Variants in CELF2 observed in about 807,000 individuals in gnomAD.
CELF2 encodes the protein CUG triplet repeat RNA-binding protein 2.
Under a neutral mutation model 62.6 loss-of-function variants are expected in CELF2, and 8 were observed. That is an observed-to-expected ratio of 0.13 (90% CI 0.07 to 0.23). The LOEUF is 0.23. CELF2 is among the 10% of genes least tolerant of loss of function. CELF2 has a pLI of 1.00. For missense variants in CELF2, 333 were observed against 671.0 expected (o/e 0.50, Z 5.56); for synonymous variants, 258 against 250.0 (o/e 1.03, Z -0.30).
chr10:11,014,396 C>G (rs935040650), upstream of CELF2, among the ~76,000 whole-genome samples: 1 of 152,122 alleles, frequency 6.6e-6, no homozygotes, highest in Non-Finnish European at 1.5e-5. Context: ...GTTGTCTGCA[C>G]GAGCAGAAAA....
In CELF2 at chr10:10,947,704, A is replaced by T. The variant is rs1408973278; in HGVS notation, c.89+27705A>T. 6.6e-6 allele frequency: 1 copy of T among 152,320 alleles called. No homozygotes were observed. Among genetic ancestry groups the T allele is most frequent in the Non-Finnish European group, 1.5e-5 (1 of 68,028 alleles). 9.4% of individuals were successfully genotyped at this position (152,320 alleles called of 1,614,324 possible). A position where few individuals can be genotyped will look rare whatever the true frequency, so the allele number is the denominator to read the frequency against. On this transcript the variant is annotated intron_variant, in intron 2 of 13. Transcript: ENST00000636488. The surrounding 1 kb of genome is among the most constrained non-coding windows in gnomAD (Gnocchi z 4.1). Reference sequence around the variant, plus strand: ...TGTAATCCCCGCTAGACACCTGAATACCTTCAACTTTCTGCTTTCAAGGTC... The same window carrying T: ...TGTAATCCCCGCTAGACACCTGAATTCCTTCAACTTTCTGCTTTCAAGGTC...
the CELF2 span, among the ~76,000 whole-genome samples, chr10:10,582,958 G>A: frequency 1.3e-5 from 2 of 152,086 alleles, no homozygotes; most frequent in African/African-American, 4.8e-5. Context: ...ATTCAGTCTT[G>A]GACTTCTCAA....
the CELF2 span, among the ~76,000 whole-genome samples, chr10:10,701,042 G>A: frequency 1.3e-5 from 2 of 152,132 alleles, no homozygotes; most frequent in African/African-American, 2.4e-5. Context: ...TAATAAGTAC[G>A]AACAATAAAA....
chr10:10,792,546 A>G, the CELF2 span: 30 of 397,636 alleles, frequency 7.5e-5, no homozygotes, highest in African/African-American at 5.5e-4. Flanking sequence ...GCACACAAAA[A>G]CCAGAACAAT....
the CELF2 span, among the ~76,000 whole-genome samples, chr10:10,690,557 G>A: frequency 6.6e-6 from 1 of 152,096 alleles, no homozygotes; most frequent in African/African-American, 2.4e-5. Context: ...AACAGTGCAG[G>A]ACCAGAAGAC....
chr10:10,813,591 C>T (rs747477015), intron 1 of CELF2, among the ~76,000 whole-genome samples: 3 of 152,298 alleles, frequency 2.0e-5, no homozygotes, highest in Admixed American at 6.5e-5. Context: ...TTATTATTGT[C>T]GTTATTGAAC....
chr10:10,775,633 T>G, the CELF2 span, among the ~76,000 whole-genome samples: 1 of 150,270 alleles, frequency 6.7e-6, no homozygotes, highest in African/African-American at 2.5e-5. Flanking sequence ...AAAATATATA[T>G]ATAGGGGACA....
At chr10:10,781,524 G>T in the CELF2 span, among the ~76,000 whole-genome samples, 2 of 152,174 alleles carry the variant, frequency 1.3e-5, no homozygotes, top group Non-Finnish European at 2.9e-5. Context: ...CAGGGGAACT[G>T]CCCTTTATAA....
At chr10:10,473,986 A>G in the CELF2 span, among the ~76,000 whole-genome samples, 3 of 152,198 alleles carry the variant, frequency 2.0e-5, no homozygotes, top group South Asian at 2.1e-4. Context: ...ACAAACTACT[A>G]CTTGTGTCCT....
chr10:11,065,581 A>G (rs1273615279), intron 1 of CELF2, among the ~76,000 whole-genome samples: 1 of 152,190 alleles, frequency 6.6e-6, no homozygotes, highest in Non-Finnish European at 1.5e-5. Context: ...GGATCCCACA[A>G]GGATGTGGTT....
chr10:11,197,124 T>C (rs1434979271), intron 2 of CELF2, among the ~76,000 whole-genome samples: 1 of 151,626 alleles, frequency 6.6e-6, no homozygotes, highest in Non-Finnish European at 1.5e-5. Flanking sequence ...GCATTCATTG[T>C]CTGCGTTGGT....
At chr10:11,293,303 G>C (rs1280424431) in intron 9 of CELF2, among the ~76,000 whole-genome samples, 3 of 152,238 alleles carry the variant, frequency 2.0e-5, no homozygotes, top group East Asian at 3.8e-4. Flanking sequence ...ATTATAAAAA[G>C]TATAGTTTAT....
intron 8 of CELF2, among the ~76,000 whole-genome samples, chr10:11,278,229 A>C (rs1196250502): frequency 6.6e-6 from 1 of 152,254 alleles, no homozygotes; most frequent in Non-Finnish European, 1.5e-5. Context: ...CCTTCAAACT[A>C]AAAATAACTT....
chr10:10,907,054 A>AAGAAAAC (rs2063407903), intron 1 of CELF2, among the ~76,000 whole-genome samples: 1 of 152,146 alleles, frequency 6.6e-6, no homozygotes, highest in African/African-American at 2.4e-5. Flanking sequence ...AATCTGGATC[A>AAGAAAAC]AGAAAACATA....
chr10:10,799,984 A>T (rs1214983124), intron 1 of CELF2, among the ~76,000 whole-genome samples: 2 of 152,242 alleles, frequency 1.3e-5, no homozygotes, highest in Admixed American at 1.3e-4. Context: ...CAGGAAATAC[A>T]AATGAGGAGA....
chr10:11,084,827 C>G (rs1002914087), intron 1 of CELF2, among the ~76,000 whole-genome samples: 3 of 151,938 alleles, frequency 2.0e-5, no homozygotes, highest in African/African-American at 7.3e-5. Context: ...GAATACAGAC[C>G]CCGCAACAAA....
the CELF2 span, among the ~76,000 whole-genome samples, chr10:10,772,441 T>C: frequency 6.6e-6 from 1 of 152,264 alleles, no homozygotes; most frequent in Non-Finnish European, 1.5e-5. Context: ...ATGAAGTTTG[T>C]TGGTTTCAAT....
chr10:11,114,893 G>C (rs955057284), intron 1 of CELF2, among the ~76,000 whole-genome samples: 1 of 152,088 alleles, frequency 6.6e-6, no homozygotes, highest in Admixed American at 6.5e-5. Context: ...TTTTTTAAAG[G>C]TCATCAATTC....
At chr10:11,041,413 A>G (rs1035035679) in intron 1 of CELF2, among the ~76,000 whole-genome samples, 2 of 152,188 alleles carry the variant, frequency 1.3e-5, no homozygotes, top group South Asian at 2.1e-4. Flanking sequence ...CCCACTGGCT[A>G]TGAATAATGG....
Sources: allele counts gnomAD v4.1 joint callset (sites outside exome capture counted in the v4.1 genomes callset), GRCh38; gene constraint gnomAD v4.1.1; non-coding constraint Gnocchi (gnomAD v3.1); transcripts MANE v1.5; gene names NCBI Gene and HGNC (gene_info 2026-07-23, HGNC 2026-07-21).